The following DDRGK1 variants were observed in gnomAD, a reference collection of about 807,000 sequenced individuals.
DDRGK1 encodes DDRGK domain-containing protein 1.
DDRGK1 carries 38 observed loss-of-function variants against 45.8 expected under a neutral mutation model. That is an observed-to-expected ratio of 0.83 (90% CI 0.64 to 1.09). The LOEUF is 1.09. Among genes scored for constraint, DDRGK1 ranks in the 50% least tolerant of loss-of-function variants. DDRGK1 has a pLI of 0.00. For synonymous variants in DDRGK1, 171 were observed against 168.7 expected (o/e 1.01, Z -0.11); for missense variants, 403 against 419.9 (o/e 0.96, Z 0.35).
At chr20:3,197,097 C>T (rs1218954350) in intron 4 of DDRGK1, among the ~76,000 whole-genome samples, 3 of 151,684 alleles carry the variant, frequency 2.0e-5, no homozygotes, top group South Asian at 4.2e-4. Context: ...GTGGCGGGTG[C>T]CTGTAATCCC....
intron 2 of DDRGK1, 126 bp downstream of exon 2, chr20:3,203,087 C>G (rs1250810867): frequency 1.1e-6 from 1 of 881,876 alleles, no homozygotes; most frequent in Non-Finnish European, 1.7e-6. Flanking sequence ...CCTACTCTAC[C>G]GTGTGGCTCC....
rs370359432 is a variant in DDRGK1, at chr20:3,204,635, G to A, written c.-8C>T. On this transcript the variant is annotated 5_prime_UTR_variant, in exon 1 of 9. Transcript: ENST00000354488. ...CCACACAGGCGCCACCATGACGAGG[G>A]CCTCAGTGCAGAACCACTGCGTCCA... 85 of 1,574,984 alleles carry A rather than the reference G, an allele frequency of 5.4e-5. No homozygotes were observed. The African/African-American group carries it at 9.8e-4, about 18-fold the overall frequency.
chr20:3,204,298 T>A (rs1017312156), intron 1 of DDRGK1, among the ~76,000 whole-genome samples: 1 of 148,774 alleles, frequency 6.7e-6, no homozygotes, highest in Non-Finnish European at 1.5e-5. Context: ...TTCCCGGGGG[T>A]GAAGAGAGGG....
intron 4 of DDRGK1, among the ~76,000 whole-genome samples, chr20:3,197,051 C>T (rs1031025613): frequency 8.6e-5 from 13 of 151,528 alleles, no homozygotes; most frequent in African/African-American, 2.9e-4. Flanking sequence ...GGTGAAACCT[C>T]GTCTCTACTA....
intron 4 of DDRGK1, among the ~76,000 whole-genome samples, chr20:3,196,527 A>AC (rs1342804471): frequency 6.7e-6 from 1 of 148,786 alleles, no homozygotes; most frequent in African/African-American, 2.5e-5. Context: ...AATACAAAAA[A>AC]AAAATTAGCC....
At chr20:3,198,551 T>C (rs1272863162) in intron 4 of DDRGK1, among the ~76,000 whole-genome samples, 1 of 146,706 alleles carries the variant, frequency 6.8e-6, no homozygotes, top group Non-Finnish European at 1.5e-5. Flanking sequence ...AAATACAAAA[T>C]TAGCCGGGCG....
At chr20:3,203,718 C>G (rs1450795186) in intron 1 of DDRGK1, among the ~76,000 whole-genome samples, 3 of 152,208 alleles carry the variant, frequency 2.0e-5, no homozygotes, top group Non-Finnish European at 2.9e-5. Flanking sequence ...TCGAGTACCC[C>G]CTGCAGGAAT....
intron 1 of DDRGK1, 95 bp downstream of exon 1, chr20:3,204,417 CGCGCATGCGTCCCGCCCGCCCAGGT>C (rs1477922147): frequency 2.0e-6 from 2 of 1,000,658 alleles, no homozygotes; most frequent in African/African-American, 3.2e-5. Flanking sequence ...AGCGCACGGA[CGCGCATGCGTCCCGCCCGCCCAGGT>C]GCGCACGCGC....
chr20:3,201,441 T>A (rs1323026151), intron 2 of DDRGK1, among the ~76,000 whole-genome samples: 1 of 144,286 alleles, frequency 6.9e-6, no homozygotes, highest in Admixed American at 7.1e-5. Flanking sequence ...ATCACGCCAC[T>A]GCACTCCAGC....
chr20:3,196,033 G>A (rs930672780), intron 4 of DDRGK1, among the ~76,000 whole-genome samples: 1 of 151,814 alleles, frequency 6.6e-6, no homozygotes, highest in African/African-American at 2.4e-5. Context: ...GGGCCACCTC[G>A]CCCATGCCCA....
rs773055136 is a variant in DDRGK1 at position 3,200,347 on chromosome 20, G to C, written c.403C>G (p.Arg135Gly). The C allele has an allele frequency of 1.7e-5, 26 of 1,563,034 alleles. No homozygotes were observed. Among genetic ancestry groups the C allele is most frequent in the South Asian group, 1.2e-5 (1 of 84,818 alleles). Residue 135 changes from arginine (R) to glycine (G), a missense_variant, in exon 3 of 9, where the codon CGT becomes GGT. Coordinates refer to ENST00000354488, the MANE Select transcript of DDRGK1 (RefSeq NM_023935.3). ...ACCCCATCCCTCCGGCTTGCCTCAC[G>C]CTGGGCCTTTCGCGCTTGTTTCTCC... ...LEEKQARKAQ[R>G]EAEEAEREER...
In DDRGK1 at chr20:3,204,427, T is replaced by C. The variant is rs865793083; in HGVS notation, c.91+110A>G. The stretch of plus-strand genomic sequence containing the variant: ...CGACTAGCGCACGGACGCGCATGCG[T>C]CCCGCCCGCCCAGGTGCGCACGCGC... On this transcript the variant is annotated intron_variant, in intron 1 of 8. Coordinates refer to ENST00000354488, the MANE Select transcript of DDRGK1 (RefSeq NM_023935.3). 1.7e-5 allele frequency: 20 copies of C among 1,156,000 alleles called. No homozygotes were observed. The Middle Eastern group carries it at 2.5e-3, about 143-fold the overall frequency. 71.6% of individuals were successfully genotyped at this position (1,156,000 alleles called of 1,614,324 possible).
At chr20:3,196,453 G>T (rs6051632) in intron 4 of DDRGK1, among the ~76,000 whole-genome samples, 1 of 151,652 alleles carries the variant, frequency 6.6e-6, no homozygotes, top group Non-Finnish European at 1.5e-5. Flanking sequence ...CAAGGCGGGC[G>T]GATCACGAGG....
Position 3,204,598 on chromosome 20 carries a change from C to T in DDRGK1, c.30G>A (p.Ala10=). 4.4e-6 allele frequency: 7 copies of T among 1,590,062 alleles called. No homozygotes were observed. The highest frequency in any genetic ancestry group is 8.5e-7 in the Non-Finnish European group (1 of 1,172,500). Residue 10 remains alanine, a synonymous_variant, in exon 1 of 9, where the codon GCG becomes GCA. Transcript: ENST00000354488. ...GGATAAAGCCGACTAGCAGAGCCGC[C>T]GCTACCAAGTACCACACAGGCGCCA... MVAPVWYLV[A]AALLVGFILF...
chr20:3,199,854 G>A, intron 4 of DDRGK1, 147 bp downstream of exon 4: 1 of 655,568 alleles, frequency 1.5e-6, no homozygotes, highest in South Asian at 2.4e-5. Context: ...AGGCTGTGGT[G>A]GAGCCTAGGG....
At position 3,204,547 on chromosome 20, in the gene DDRGK1, C is replaced by G; in HGVS notation, c.81G>C (p.Arg27=). The change falls in exon 1 of 9, where the codon CGG becomes CGC. Residue 27 remains arginine (R), a synonymous_variant. Transcript: ENST00000354488. ...FILFLTRSRG[R]AASAGQEPLH... is the part of the protein sequence containing the mutation. ...AGCGGCATCTCCTACCTGATGCCGCCCGGCCCCGGCTGCGAGTCAGGAAGA... is the reference window on the plus strand; with the variant it reads ...AGCGGCATCTCCTACCTGATGCCGCGCGGCCCCGGCTGCGAGTCAGGAAGA... 6.4e-7 allele frequency: 1 copy of G among 1,566,864 alleles called. No individual in the cohort carries two copies.
At chr20:3,198,321 T>A (rs1001595473) in intron 4 of DDRGK1, among the ~76,000 whole-genome samples, 1 of 149,932 alleles carries the variant, frequency 6.7e-6, no homozygotes, top group Admixed American at 6.7e-5. Flanking sequence ...GGAGAGTCAC[T>A]TGAACCCAAG....
chr20:3,204,509 C>G, intron 1 of DDRGK1, 28 bp downstream of exon 1: 1 of 1,542,386 alleles, frequency 6.5e-7, no homozygotes, highest in Non-Finnish European at 8.7e-7. Context: ...CCCGGTACCA[C>G]CAACCCTGGT....
chr20:3,193,734 G>C (rs1431729299), intron 6 of DDRGK1, among the ~76,000 whole-genome samples: 1 of 152,158 alleles, frequency 6.6e-6, no homozygotes, highest in Non-Finnish European at 1.5e-5. Context: ...GTTACCTCCA[G>C]GGAGCCACCA....
Sources: allele counts gnomAD v4.1 joint callset (sites outside exome capture counted in the v4.1 genomes callset), GRCh38; gene constraint gnomAD v4.1.1; transcripts MANE v1.5; gene names NCBI Gene and HGNC (gene_info 2026-07-23, HGNC 2026-07-21).